ZFPM2: variants seen among roughly 807,000 people sequenced by gnomAD.
ZFPM2 encodes the protein zinc finger protein ZFPM2.
ZFPM2 carries 20 observed loss-of-function variants against 98.6 expected under a neutral mutation model. The ratio of observed to expected loss-of-function variants is 0.20; its 90% CI spans 0.14 to 0.29. The LOEUF is 0.29. Among genes scored for constraint, ZFPM2 ranks in the 10% least tolerant of loss-of-function variants. The pLI, the probability that ZFPM2 is intolerant of heterozygous loss-of-function variation, is 1.00. For synonymous variants in ZFPM2, 518 were observed against 502.7 expected, an observed-to-expected ratio of 1.03 and a Z score of -0.41; for missense variants, 1,310 against 1,388.6, an observed-to-expected ratio of 0.94 and a Z score of 0.90.
chr8:105,738,598 C>A (rs1586230668), intron 5 of ZFPM2, among the ~76,000 whole-genome samples: 1 of 152,140 alleles, frequency 6.6e-6, no homozygotes, highest in South Asian at 2.1e-4. Flanking sequence ...AATCATCACA[C>A]TGTTTTCTGC....
chr8:105,625,321 A>G (rs1411167323), intron 4 of ZFPM2, among the ~76,000 whole-genome samples: 1 of 152,134 alleles, frequency 6.6e-6, no homozygotes, highest in Non-Finnish European at 1.5e-5. Flanking sequence ...AATAAACACA[A>G]ATAAGATAGG....
chr8:105,603,351 T>C (rs1816132251), intron 4 of ZFPM2, among the ~76,000 whole-genome samples: 1 of 152,114 alleles, frequency 6.6e-6, no homozygotes, highest in African/African-American at 2.4e-5. Context: ...ACTAATCTAT[T>C]TAGCCTGAGG....
chr8:105,391,778 A>G (rs1270034556), intron 1 of ZFPM2, among the ~76,000 whole-genome samples: 6 of 152,148 alleles, frequency 3.9e-5, no homozygotes, highest in Admixed American at 3.9e-4. Context: ...TTGTCTTGCT[A>G]TTTCCAGCCC....
intron 7 of ZFPM2, among the ~76,000 whole-genome samples, chr8:105,800,722 G>A (rs1813975071): frequency 6.6e-6 from 1 of 151,988 alleles, no homozygotes; most frequent in African/African-American, 2.4e-5. Context: ...GCTTAGGCAT[G>A]GCTTCATCAC....
chr8:105,790,701 C>T (rs1327210001), intron 6 of ZFPM2, among the ~76,000 whole-genome samples: 4 of 152,146 alleles, frequency 2.6e-5, no homozygotes, highest in African/African-American at 9.7e-5. Context: ...GCCATTTTCA[C>T]TATATTGATT....
chr8:105,634,216 G>A, intron 4 of ZFPM2, 30 bp from the exon 5 acceptor site: 1 of 1,538,758 alleles, frequency 6.5e-7, no homozygotes, highest in Non-Finnish European at 8.9e-7. Flanking sequence ...GGAAGCAAAT[G>A]GCATCTGTTT....
chr8:105,796,116 T>C (rs16873701), intron 6 of ZFPM2, among the ~76,000 whole-genome samples: 10,302 of 152,280 alleles, frequency 0.068, 423 homozygotes, highest in East Asian at 0.12. Flanking sequence ...GTACTTCCCA[T>C]CTAAGCTAGT....
At chr8:105,418,193 T>C (rs1331378639) in intron 1 of ZFPM2, among the ~76,000 whole-genome samples, 3 of 152,200 alleles carry the variant, frequency 2.0e-5, no homozygotes, top group Non-Finnish European at 2.9e-5. Flanking sequence ...ATTTAGCCTG[T>C]CTGATGGGAC....
intron 4 of ZFPM2, among the ~76,000 whole-genome samples, chr8:105,584,635 A>G (rs1052928719): frequency 6.6e-6 from 1 of 152,208 alleles, no homozygotes; most frequent in Admixed American, 6.5e-5. Flanking sequence ...TTGGTGGATT[A>G]ACAACAGAAA....
intron 5 of ZFPM2, among the ~76,000 whole-genome samples, chr8:105,770,214 C>T (rs1302352188): frequency 3.3e-5 from 5 of 151,938 alleles, no homozygotes; most frequent in South Asian, 2.1e-4. Context: ...TCCTAGGTGT[C>T]AGTAACAGTG....
intron 6 of ZFPM2, among the ~76,000 whole-genome samples, chr8:105,794,153 CT>C (rs1813715816): frequency 6.6e-6 from 1 of 152,148 alleles, no homozygotes; most frequent in African/African-American, 2.4e-5. Context: ...AGGTGCTCTG[CT>C]TTTTAGAGTT....
chr8:105,606,720 G>A (rs989868908), intron 4 of ZFPM2, among the ~76,000 whole-genome samples: 1 of 151,856 alleles, frequency 6.6e-6, no homozygotes, highest in Non-Finnish European at 1.5e-5. Context: ...CAGTCCCATG[G>A]GACCGTGATA....
intron 7 of ZFPM2, 26 bp downstream of exon 7, chr8:105,798,974 T>C (rs541641168): frequency 2.0e-4 from 314 of 1,577,592 alleles, no homozygotes; most frequent in Admixed American, 4.0e-4. Flanking sequence ...GTTTCTTCTG[T>C]TGCTCCAGAA....
intron 2 of ZFPM2, among the ~76,000 whole-genome samples, chr8:105,421,706 C>T (rs925683403): frequency 1.3e-5 from 2 of 152,026 alleles, no homozygotes; most frequent in Admixed American, 6.6e-5. Flanking sequence ...TTCTCAGTGA[C>T]GCATAATTAT....
intron 4 of ZFPM2, among the ~76,000 whole-genome samples, chr8:105,594,496 T>C (rs2130771362): frequency 6.6e-6 from 1 of 152,230 alleles, no homozygotes; most frequent in African/African-American, 2.4e-5. Context: ...GTAAGTGGTT[T>C]TATTAAAAGC....
intron 3 of ZFPM2, among the ~76,000 whole-genome samples, chr8:105,523,904 C>T (rs376834014): frequency 6.6e-6 from 1 of 152,148 alleles, no homozygotes; most frequent in African/African-American, 2.4e-5. Context: ...GTGGCAGCAT[C>T]ACAGTGAAGG....
chr8:105,657,757 C>G (rs866007298), intron 5 of ZFPM2, among the ~76,000 whole-genome samples: 2 of 152,124 alleles, frequency 1.3e-5, no homozygotes, highest in African/African-American at 4.8e-5. Flanking sequence ...TGTTATAAAG[C>G]TGGAGAAGGA....
intron 5 of ZFPM2, among the ~76,000 whole-genome samples, chr8:105,774,429 C>T (rs144186974): frequency 6.6e-4 from 100 of 152,284 alleles, no homozygotes; most frequent in African/African-American, 2.2e-3. Context: ...ATCATAATAA[C>T]GTATCCCGTG....
chr8:105,631,583 T>C (rs1816756382), intron 4 of ZFPM2, among the ~76,000 whole-genome samples: 1 of 152,140 alleles, frequency 6.6e-6, no homozygotes, highest in Non-Finnish European at 1.5e-5. Context: ...CTGCAAAGGA[T>C]GGGAGTTTTT....
Sources: allele counts gnomAD v4.1 joint callset (sites outside exome capture counted in the v4.1 genomes callset), GRCh38; gene constraint gnomAD v4.1.1; transcripts MANE v1.5; gene names NCBI Gene and HGNC (gene_info 2026-07-23, HGNC 2026-07-21).